The following WWOX variants were observed in gnomAD, a reference collection of about 807,000 sequenced individuals.
WWOX encodes the protein WW domain-containing oxidoreductase.
A neutral mutation model predicts 46.2 loss-of-function variants in WWOX; 69 were observed. The observed-to-expected ratio is 1.49, with a 90% CI of 1.23 to 1.82. WWOX has a LOEUF of 1.82. WWOX is among the 40% of genes most tolerant of loss of function. The pLI, the probability that WWOX is intolerant of heterozygous loss-of-function variation, is 0.00. For missense variants in WWOX, 919 were observed against 542.6 expected, an observed-to-expected ratio of 1.69 and a Z score of -6.89; for synonymous variants, 359 against 202.6, an observed-to-expected ratio of 1.77 and a Z score of -6.56.
chr16:78,513,067 A>C (rs1353506633), intron 8 of WWOX, among the ~76,000 whole-genome samples: 1 of 152,214 alleles, frequency 6.6e-6, no homozygotes, highest in Non-Finnish European at 1.5e-5. Flanking sequence ...GTTAAGTAGT[A>C]AACGTAATGA....
intron 8 of WWOX, among the ~76,000 whole-genome samples, chr16:78,878,059 G>A (rs985277742): frequency 6.6e-6 from 1 of 152,132 alleles, no homozygotes; most frequent in Non-Finnish European, 1.5e-5. Context: ...CTAAGACAAA[G>A]CATTCCCTGT....
intron 8 of WWOX, among the ~76,000 whole-genome samples, chr16:78,927,576 T>G (rs2045527403): frequency 6.6e-6 from 1 of 152,200 alleles, no homozygotes; most frequent in African/African-American, 2.4e-5. Flanking sequence ...GTTGCGTAGG[T>G]ACCAGCACTA....
chr16:78,504,309 A>G (rs55701451), intron 8 of WWOX, among the ~76,000 whole-genome samples: 3,419 of 152,322 alleles, frequency 0.022, 130 homozygotes, highest in African/African-American at 0.079. Context: ...ACAGTAAACT[A>G]AAGAAGATTG....
chr16:78,495,416 C>T (rs9921590), intron 8 of WWOX, among the ~76,000 whole-genome samples: 111,994 of 150,926 alleles, frequency 0.74, 43,975 homozygotes, highest in Admixed American at 0.86. Context: ...GCTGGGATTA[C>T]AGGCGTGAGC....
chr16:78,452,601 G>C (rs1244895805), intron 8 of WWOX, among the ~76,000 whole-genome samples: 1 of 149,700 alleles, frequency 6.7e-6, no homozygotes, highest in Non-Finnish European at 1.5e-5. Flanking sequence ...TCAGCCTCCC[G>C]AGTAGCTGGG....
intron 5 of WWOX, among the ~76,000 whole-genome samples, chr16:78,166,238 C>G (rs1364915590): frequency 1.3e-5 from 2 of 151,728 alleles, no homozygotes; most frequent in Non-Finnish European, 2.9e-5. Flanking sequence ...ATTGTTTTAA[C>G]TGCTGTATAA....
Position 79,061,307 on chromosome 16 carries a change from T to A in WWOX, c.1057-150301T>A, listed in dbSNP as rs75666257. ...ATTTGTGCTTAGTAGTATCTTATTA[T>A]ATTAGCCCGGCACTGACTGGTGATG... On this transcript the variant is annotated intron_variant, in intron 8 of 8. Transcript: ENST00000566780. Among the ~76,000 whole-genome samples, 595 of 152,328 alleles carry A rather than the reference T, an allele frequency of 3.9e-3. 9 individuals carry two copies. Among genetic ancestry groups the A allele is most frequent in the African/African-American group, 0.014 (577 of 41,576 alleles).
chr16:78,344,484 T>A (rs2081063725), intron 5 of WWOX, among the ~76,000 whole-genome samples: 1 of 121,322 alleles, frequency 8.2e-6, no homozygotes, highest in Admixed American at 8.0e-5. Context: ...GATGGCTGGG[T>A]CTATACCAGG....
At chr16:78,547,522 T>G (rs893688254) in intron 8 of WWOX, among the ~76,000 whole-genome samples, 7 of 152,200 alleles carry the variant, frequency 4.6e-5, no homozygotes, top group Non-Finnish European at 8.8e-5. Context: ...TCTCATTCAT[T>G]AGGCCATCCA....
intron 8 of WWOX, among the ~76,000 whole-genome samples, chr16:78,874,572 G>T (rs1366990148): frequency 6.6e-6 from 1 of 151,952 alleles, no homozygotes; most frequent in Non-Finnish European, 1.5e-5. Flanking sequence ...AAGATGTCTG[G>T]ATGGTCTCCA....
intron 8 of WWOX, among the ~76,000 whole-genome samples, chr16:78,826,554 T>C (rs368714508): frequency 6.6e-6 from 1 of 152,218 alleles, no homozygotes; most frequent in East Asian, 1.9e-4. Context: ...TCTTCTCCTG[T>C]GTTCCTTTCC....
intron 8 of WWOX, among the ~76,000 whole-genome samples, chr16:78,694,178 A>T (rs899894673): frequency 1.2e-4 from 18 of 152,278 alleles, no homozygotes; most frequent in Middle Eastern, 6.8e-3. Context: ...GCACTACTTC[A>T]TTCCAGCCTG....
chr16:79,029,036 C>T (rs1422686896), intron 8 of WWOX, among the ~76,000 whole-genome samples: 1 of 149,094 alleles, frequency 6.7e-6, no homozygotes, highest in African/African-American at 2.6e-5. Flanking sequence ...TGAGGATGAC[C>T]TGCCAAAGGG....
intron 5 of WWOX, among the ~76,000 whole-genome samples, chr16:78,341,638 G>A (rs2081017074): frequency 1.7e-5 from 2 of 119,452 alleles, no homozygotes; most frequent in East Asian, 3.9e-4. Flanking sequence ...AGATGGGATA[G>A]GTGGGCAACA....
intron 1 of WWOX, among the ~76,000 whole-genome samples, chr16:78,107,846 A>G (rs2032248983): frequency 1.3e-5 from 2 of 152,292 alleles, no homozygotes; most frequent in South Asian, 4.2e-4. Flanking sequence ...AAGAGATTAT[A>G]TAAATTAGAT....
intron 8 of WWOX, among the ~76,000 whole-genome samples, chr16:78,962,443 A>T (rs989383505): frequency 6.6e-5 from 10 of 151,332 alleles, no homozygotes; most frequent in African/African-American, 2.4e-4. Flanking sequence ...CTTGTAGGCC[A>T]AGCTTACTCT....
chr16:79,202,939 G>GACAT (rs1359596993), intron 8 of WWOX: 10 of 152,152 alleles, frequency 6.6e-5, no homozygotes, highest in Non-Finnish European at 1.2e-4. Flanking sequence ...CTTTAAAAAA[G>GACAT]ACATACCTTT....
intron 5 of WWOX, among the ~76,000 whole-genome samples, chr16:78,261,180 A>G (rs1442289369): frequency 1.3e-5 from 2 of 150,832 alleles, no homozygotes; most frequent in Non-Finnish European, 3.0e-5. Context: ...ATGGTGGCCA[A>G]AAAAGCAGAT....
Position 78,396,117 on chromosome 16 carries a change from G to C in WWOX, c.605+9169G>C, listed in dbSNP as rs540702618. Among the ~76,000 whole-genome samples, 4 of 152,266 alleles carry C rather than the reference G, an allele frequency of 2.6e-5. No homozygotes were observed. The South Asian group carries it at 8.3e-4, about 32-fold the overall frequency. On this transcript the variant is annotated intron_variant, in intron 6 of 8. Transcript: ENST00000566780. ...GCAGTCACAACAGTGCCAAGAACTT[G>C]GCTAGAGATTGGAAATAAAGCTTAT...
Sources: gnomAD v4.1 joint callset for allele counts (sites outside exome capture counted in the v4.1 genomes callset) on GRCh38, gnomAD v4.1.1 for gene constraint, MANE v1.5 for transcripts, NCBI Gene and HGNC (gene_info 2026-07-23, HGNC 2026-07-21) for gene names.